Variants in SNX10 observed in about 807,000 individuals in gnomAD.
The protein encoded by SNX10 is sorting nexin-10.
A neutral mutation model predicts 28.5 loss-of-function variants in SNX10; 25 were observed. The ratio of observed to expected loss-of-function variants is 0.88; its 90% CI spans 0.64 to 1.22. The LOEUF (loss-of-function observed/expected upper bound fraction) is 1.22. Among genes scored for constraint, SNX10 ranks in the 50% most tolerant of loss-of-function variants. SNX10 has a pLI of 0.00. For missense variants in SNX10, 223 were observed against 242.6 expected (o/e 0.92, Z 0.54); for synonymous variants, 62 against 81.4 (o/e 0.76, Z 1.28).
In SNX10 at chr7:26,338,095, A is replaced by ATCAAT. The variant is rs199948244; in HGVS notation, c.-23-8322_-23-8318dup. 6.1e-3 allele frequency among the ~76,000 whole-genome samples: 896 copies of ATCAAT among 146,092 alleles called. 8 individuals carry two copies. The highest frequency in any genetic ancestry group is 0.021 in the African/African-American group (844 of 39,646). On this transcript the variant is annotated intron_variant, in intron 1 of 6. Coordinates refer to ENST00000338523, the MANE Select transcript of SNX10 (RefSeq NM_013322.3). Reference sequence around the variant, plus strand: ...GCACGTCATCTTTGGAGAAACGTCTATCAATTCCTTTGTCCTTTTTTTTTT... The same window carrying ATCAAT: ...GCACGTCATCTTTGGAGAAACGTCTATCAATTCAATTCCTTTGTCCTTTTTTTTTT...
intron 5 of SNX10, among the ~76,000 whole-genome samples, chr7:26,368,723 CTT>C (rs975039869): frequency 1.6e-4 from 25 of 152,214 alleles, no homozygotes; most frequent in African/African-American, 5.5e-4. Context: ...ATTTTTATGT[CTT>C]TGTGTTCAAT....
intron 1 of SNX10, among the ~76,000 whole-genome samples, chr7:26,324,609 T>C (rs1787431955): frequency 6.6e-6 from 1 of 152,084 alleles, no homozygotes; most frequent in Non-Finnish European, 1.5e-5. Context: ...GATCCTCCTG[T>C]CTCGGCCTCC....
intron 1 of SNX10, among the ~76,000 whole-genome samples, chr7:26,317,445 A>G (rs1256475688): frequency 2.6e-5 from 4 of 152,156 alleles, no homozygotes; most frequent in Admixed American, 6.5e-5. Context: ...TTAACAACAT[A>G]CAACATACTC....
Position 26,351,818 on chromosome 7 carries a change from A to G in SNX10, c.24+5352A>G, listed in dbSNP as rs550967174. On this transcript the variant is annotated intron_variant, in intron 2 of 6. Coordinates refer to ENST00000338523, the MANE Select transcript of SNX10 (RefSeq NM_013322.3). ...ACTACAGGTGCCTGCCACCACGCCCAGCCAATTTTTTGTATTTTTAGTAGA... is the reference window on the plus strand; with the variant it reads ...ACTACAGGTGCCTGCCACCACGCCCGGCCAATTTTTTGTATTTTTAGTAGA... Among the ~76,000 whole-genome samples the G allele has an allele frequency of 1.6e-4, 24 of 151,582 alleles. No homozygotes were observed. The South Asian group carries it at 4.4e-3, about 28-fold the overall frequency.
intron 1 of SNX10, among the ~76,000 whole-genome samples, chr7:26,310,754 T>A (rs1261507299): frequency 6.6e-6 from 1 of 151,210 alleles, no homozygotes; most frequent in Non-Finnish European, 1.5e-5. Flanking sequence ...CCATCTCGGC[T>A]CACTGCAAGC....
In SNX10 at chr7:26,364,975, CTT is replaced by C. The variant is rs1406864612; in HGVS notation, c.213-70_213-69del. The C allele has an allele frequency of 5.4e-6, 5 of 918,512 alleles. No individual in the cohort carries two copies. The highest frequency in any genetic ancestry group is 8.9e-6 in the Non-Finnish European group (5 of 560,176). The allele number at this position is 918,512 out of a possible 1,614,324, so 56.9% of individuals were successfully genotyped here. On this transcript the variant is annotated intron_variant, in intron 4 of 6. Transcript: ENST00000338523. The surrounding 1 kb of genome is among the most constrained non-coding windows in gnomAD (Gnocchi z 4.9). ...AATCATCATACATAATTTGCCTTCA[CTT>C]TGAGGGATTTCTGTAACAGAAGCAC...
chr7:26,305,842 T>C (rs1056870843), intron 1 of SNX10, among the ~76,000 whole-genome samples: 2 of 152,194 alleles, frequency 1.3e-5, no homozygotes, highest in Admixed American at 6.5e-5. Context: ...TGCCAGCAAG[T>C]AAGAGTTTAA....
chr7:26,362,513 T>C (rs2128022813), intron 3 of SNX10, among the ~76,000 whole-genome samples: 1 of 152,354 alleles, frequency 6.6e-6, no homozygotes, highest in African/African-American at 2.4e-5. Flanking sequence ...TTTTCTGAAA[T>C]GCTAATAAAT....
At chr7:26,351,885 T>C (rs1323472428) in intron 2 of SNX10, among the ~76,000 whole-genome samples, 1 of 151,922 alleles carries the variant, frequency 6.6e-6, no homozygotes, top group Admixed American at 6.6e-5. Context: ...CTAGATCTCC[T>C]GACCTCGTGA....
intron 2 of SNX10, among the ~76,000 whole-genome samples, chr7:26,348,777 T>C (rs1788488034): frequency 6.6e-6 from 1 of 152,206 alleles, no homozygotes; most frequent in South Asian, 2.1e-4. Flanking sequence ...CACTTCTTGT[T>C]CCTTATTTCA....
At chr7:26,335,651 C>T (rs1209619507) in intron 1 of SNX10, among the ~76,000 whole-genome samples, 1 of 150,292 alleles carries the variant, frequency 6.7e-6, no homozygotes, top group Non-Finnish European at 1.5e-5. Context: ...GAGCCAAGGG[C>T]ATAGGTAGTA....
At chr7:26,345,596 A>G (rs1387787290) in intron 1 of SNX10, among the ~76,000 whole-genome samples, 1 of 152,158 alleles carries the variant, frequency 6.6e-6, no homozygotes, top group Admixed American at 6.5e-5. Context: ...GGTGCCAGTG[A>G]CATGAGTATA....
intron 1 of SNX10, among the ~76,000 whole-genome samples, chr7:26,323,001 A>C (rs967260406): frequency 7.9e-5 from 12 of 152,180 alleles, no homozygotes; most frequent in African/African-American, 2.9e-4. Context: ...TAATCTCAGC[A>C]CTTTGGGAGT....
chr7:26,299,994 T>A (rs1786275625), intron 1 of SNX10, among the ~76,000 whole-genome samples: 1 of 152,056 alleles, frequency 6.6e-6, no homozygotes, highest in African/African-American at 2.4e-5. Flanking sequence ...GTGGATCTCC[T>A]GAGGTCAGGA....
intron 1 of SNX10, among the ~76,000 whole-genome samples, chr7:26,334,204 T>C (rs1019206101): frequency 8.5e-5 from 13 of 152,224 alleles, no homozygotes; most frequent in Non-Finnish European, 1.6e-4. Flanking sequence ...CATAGTTATA[T>C]GTATTTTTGA....
chr7:26,294,735 G>A (rs545885673), intron 1 of SNX10, among the ~76,000 whole-genome samples: 2 of 152,312 alleles, frequency 1.3e-5, no homozygotes, highest in Admixed American at 1.3e-4. Flanking sequence ...CTTACTGTGT[G>A]GTAGGCCCTG....
chr7:26,366,712 G>A (rs901370985), intron 5 of SNX10, among the ~76,000 whole-genome samples: 3 of 152,198 alleles, frequency 2.0e-5, no homozygotes, highest in Non-Finnish European at 2.9e-5. Context: ...TCTTCTGTAG[G>A]GAAGTCTTAT....
intron 1 of SNX10, among the ~76,000 whole-genome samples, chr7:26,298,733 G>A (rs143144297): frequency 6.6e-6 from 1 of 152,346 alleles, no homozygotes; most frequent in Non-Finnish European, 1.5e-5. Context: ...AACAACAGAA[G>A]TTTATTTCTT....
At chr7:26,308,023 C>T (rs1217390892) in intron 1 of SNX10, among the ~76,000 whole-genome samples, 1 of 152,194 alleles carries the variant, frequency 6.6e-6, no homozygotes, top group African/African-American at 2.4e-5. Flanking sequence ...GTCCAAATTC[C>T]TCCTTTTGTT....
Sources: allele counts gnomAD v4.1 joint callset (sites outside exome capture counted in the v4.1 genomes callset), GRCh38; gene constraint gnomAD v4.1.1; non-coding constraint Gnocchi (gnomAD v3.1); transcripts MANE v1.5; gene names NCBI Gene and HGNC (gene_info 2026-07-23, HGNC 2026-07-21).